Variants in ITPR2 observed in about 807,000 individuals in gnomAD.
ITPR2 encodes inositol 1,4,5-trisphosphate-gated calcium channel ITPR2.
Under a neutral mutation model 317.1 loss-of-function variants are expected in ITPR2, and 207 were observed. The ratio of observed to expected loss-of-function variants is 0.65; its 90% confidence interval spans 0.58 to 0.73. The LOEUF is 0.73. Ranked by LOEUF, ITPR2 falls within the 30% of genes least tolerant of loss-of-function variation. The pLI is 0.00. For synonymous variants in ITPR2, 1,156 were observed against 1,149.1 expected (o/e 1.01, Z -0.12); for missense variants, 2,613 against 3,284.0 (o/e 0.80, Z 4.99).
intron 52 of ITPR2, among the ~76,000 whole-genome samples, chr12:26,410,844 A>T (rs1333988124): frequency 1.3e-5 from 2 of 152,152 alleles, no homozygotes; most frequent in East Asian, 3.8e-4. Context: ...TTTCATTCTC[A>T]TTCTCTCTCT....
At chr12:26,698,116 C>T (rs1459684866) in intron 9 of ITPR2, among the ~76,000 whole-genome samples, 1 of 152,066 alleles carries the variant, frequency 6.6e-6, no homozygotes, top group Non-Finnish European at 1.5e-5. Flanking sequence ...AAGTGGAACA[C>T]AAACAATAAT....
chr12:26,638,507 T>A lies in ITPR2; in HGVS notation c.2741-6448A>T, dbSNP rs1236322996. The stretch of plus-strand genomic sequence containing the variant: ...CCAGCCCCACGACCAAAGGCAACGA[T>A]GCTCTTGATTTCTCACACCACAGAC... On this transcript the variant is annotated intron_variant, in intron 21 of 56. Coordinates refer to ENST00000381340, the MANE Select transcript of ITPR2 (RefSeq NM_002223.4). 2.0e-5 allele frequency among the ~76,000 whole-genome samples: 3 copies of A among 152,192 alleles called. No individual in the cohort carries two copies. In the East Asian group the frequency reaches 5.8e-4, roughly 29 times the overall value.
intron 5 of ITPR2, chr12:26,721,205 G>GTTTT: frequency 2.5e-6 from 1 of 403,990 alleles, no homozygotes; most frequent in Non-Finnish European, 4.5e-6. Flanking sequence ...AAAAAGTAGG[G>GTTTT]TTTTTTTTTT....
chr12:26,668,986 C>T (rs778170953), intron 13 of ITPR2, among the ~76,000 whole-genome samples: 21 of 152,042 alleles, frequency 1.4e-4, no homozygotes, highest in Non-Finnish European at 2.5e-4. Context: ...GGTGAGGTGG[C>T]ATGCGCCTAT....
In ITPR2 at chr12:26,336,910, C is replaced by T. The variant is rs1347030800; in HGVS notation, c.*2487G>A. ...AAATGTCAAATTTCCCCATTATCTTCTCCTCTTCTTCATTAGGAATTTGAT... is the reference window on the plus strand; with the variant it reads ...AAATGTCAAATTTCCCCATTATCTTTTCCTCTTCTTCATTAGGAATTTGAT... On this transcript the variant is annotated 3_prime_UTR_variant, in exon 57 of 57. Coordinates refer to ENST00000381340, the MANE Select transcript of ITPR2 (RefSeq NM_002223.4). 6.6e-6 allele frequency: 1 copy of T among 151,434 alleles called. No homozygotes were observed. The highest frequency in any genetic ancestry group is 2.4e-5 in the African/African-American group (1 of 41,182). 9.4% of individuals were successfully genotyped at this position (151,434 alleles called of 1,614,324 possible).
chr12:26,461,587 G>A (rs1455275794), intron 45 of ITPR2, among the ~76,000 whole-genome samples: 1 of 141,558 alleles, frequency 7.1e-6, no homozygotes, highest in South Asian at 2.2e-4. Flanking sequence ...ATCATTTTCA[G>A]GTCTCACAAA....
chr12:26,472,942 A>T (rs1942329876), intron 45 of ITPR2, among the ~76,000 whole-genome samples: 1 of 151,996 alleles, frequency 6.6e-6, no homozygotes, highest in Non-Finnish European at 1.5e-5. Context: ...GATGGAGTGC[A>T]GTGGAGTGAT....
At chr12:26,608,535 G>A (rs56192256) in intron 26 of ITPR2, among the ~76,000 whole-genome samples, 20,693 of 147,970 alleles carry the variant, frequency 0.14, 1,899 homozygotes, top group Admixed American at 0.2. Context: ...CGCCCCACTC[G>A]CTGGGAAGAG....
chr12:26,833,153 C>T lies in ITPR2; in HGVS notation c.-372G>A, dbSNP rs1951147531. 1.3e-5 allele frequency: 3 copies of T among 226,326 alleles called. No homozygotes were observed. Among genetic ancestry groups the T allele is most frequent in the Non-Finnish European group, 2.6e-5 (3 of 116,956 alleles). The allele number at this position is 226,326 out of a possible 1,614,324, so 14.0% of individuals were successfully genotyped here. A position where few individuals can be genotyped will look rare whatever the true frequency, so the allele number is the denominator to read the frequency against. ...CCCCACTCCGTGTCCACTCCCTGCT[C>T]TGCGACCCGCTGCGGCCGTCACAGC... On this transcript the variant is annotated 5_prime_UTR_variant, in exon 1 of 57. Transcript: ENST00000381340.
At chr12:26,563,257 T>C (rs998741702) in intron 34 of ITPR2, among the ~76,000 whole-genome samples, 2 of 152,152 alleles carry the variant, frequency 1.3e-5, no homozygotes, top group South Asian at 2.1e-4. Context: ...CTTGAAGTAA[T>C]GGCAGAGACC....
At chr12:26,568,778 G>C (rs16930990) in intron 34 of ITPR2, among the ~76,000 whole-genome samples, 13,693 of 152,104 alleles carry the variant, frequency 0.09, 761 homozygotes, top group African/African-American at 0.16. Context: ...GGAATGGCAG[G>C]GACAGAGAAT....
In ITPR2 at chr12:26,414,338, G is replaced by T. The variant is rs138299276; in HGVS notation, c.7306+965C>A. Reference sequence around the variant, plus strand: ...CATAATCTAAGTACTACCATATATCGTCAATTTAGTAATTAAGAAATGTTT... The same window carrying T: ...CATAATCTAAGTACTACCATATATCTTCAATTTAGTAATTAAGAAATGTTT... On this transcript the variant is annotated intron_variant, in intron 51 of 56. Coordinates refer to ENST00000381340, the MANE Select transcript of ITPR2 (RefSeq NM_002223.4). Among the ~76,000 whole-genome samples the T allele has an allele frequency of 1.1e-3, 164 of 152,168 alleles. 1 individual carries two copies. Among genetic ancestry groups the T allele is most frequent in the African/African-American group, 3.7e-3 (155 of 41,522 alleles).
At chr12:26,427,174 G>A (rs904317654) in intron 49 of ITPR2, among the ~76,000 whole-genome samples, 1 of 152,070 alleles carries the variant, frequency 6.6e-6, no homozygotes, top group Non-Finnish European at 1.5e-5. Context: ...AAGTGTCTAG[G>A]TATTCAACAC....
chr12:26,465,992 A>C (rs1230023300), intron 45 of ITPR2, among the ~76,000 whole-genome samples: 8 of 152,208 alleles, frequency 5.3e-5, no homozygotes, highest in African/African-American at 9.6e-5. Flanking sequence ...AAGTAGGATA[A>C]GTCTATTTTC....
At chr12:26,636,707 A>T (rs1019850473) in intron 21 of ITPR2, among the ~76,000 whole-genome samples, 1 of 152,204 alleles carries the variant, frequency 6.6e-6, no homozygotes, top group Admixed American at 6.5e-5. Context: ...CAATGAGATA[A>T]GGGAAAATAA....
intron 5 of ITPR2, among the ~76,000 whole-genome samples, chr12:26,716,973 T>G (rs899853637): frequency 6.6e-6 from 1 of 152,190 alleles, no homozygotes; most frequent in Non-Finnish European, 1.5e-5. Context: ...CACCTTCTCT[T>G]TAAGTATTTT....
chr12:26,797,928 G>T (rs558056516), intron 1 of ITPR2, among the ~76,000 whole-genome samples: 1 of 151,896 alleles, frequency 6.6e-6, no homozygotes, highest in Non-Finnish European at 1.5e-5. Context: ...CTGACCTCTG[G>T]TGATCCGCCC....
intron 55 of ITPR2, among the ~76,000 whole-genome samples, chr12:26,382,676 CA>C (rs916461538): frequency 6.7e-6 from 1 of 148,690 alleles, no homozygotes; most frequent in Non-Finnish European, 1.5e-5. Context: ...CACACACACA[CA>C]AAAAAAAAGA....
chr12:26,684,746 A>T (rs1463391511), intron 11 of ITPR2, among the ~76,000 whole-genome samples: 1 of 152,096 alleles, frequency 6.6e-6, no homozygotes, highest in East Asian at 1.9e-4. Context: ...TTCTAGTAAG[A>T]CCCTTTTATC....
Sources: allele counts gnomAD v4.1 joint callset (sites outside exome capture counted in the v4.1 genomes callset), GRCh38; gene constraint gnomAD v4.1.1; transcripts MANE v1.5; gene names NCBI Gene and HGNC (gene_info 2026-07-23, HGNC 2026-07-21).